The following CDK5RAP2 variants were observed in gnomAD, a reference collection of about 807,000 sequenced individuals.
CDK5RAP2 encodes CDK5 regulatory subunit-associated protein 2.
A neutral mutation model predicts 232.9 loss-of-function variants in CDK5RAP2; 147 were observed. That is an observed-to-expected ratio of 0.63 (90% CI 0.55 to 0.72). The LOEUF is 0.72. CDK5RAP2 is among the 30% of genes least tolerant of loss of function. The pLI is 0.00. For missense variants in CDK5RAP2, 2,195 were observed against 2,231.5 expected, an observed-to-expected ratio of 0.98 and a Z score of 0.33; for synonymous variants, 833 against 833.7, an observed-to-expected ratio of 1.00 and a Z score of 0.01.
intron 26 of CDK5RAP2, among the ~76,000 whole-genome samples, chr9:120,420,831 T>C (rs1421804920): frequency 6.6e-6 from 1 of 152,214 alleles, no homozygotes; most frequent in African/African-American, 2.4e-5. Flanking sequence ...GCTGCTGGCT[T>C]GCAGAAGTGC....
At chr9:120,519,128 C>T (rs554629550) in intron 11 of CDK5RAP2, among the ~76,000 whole-genome samples, 13 of 150,630 alleles carry the variant, frequency 8.6e-5, no homozygotes, top group African/African-American at 2.7e-4. Context: ...GAGCCGAGAT[C>T]GTACCACTGC....
intron 27 of CDK5RAP2, among the ~76,000 whole-genome samples, chr9:120,415,710 T>C (rs912980754): frequency 6.6e-6 from 1 of 152,232 alleles, no homozygotes; most frequent in Non-Finnish European, 1.5e-5. Flanking sequence ...AGTATAAATG[T>C]GTATGACCTT....
At chr9:120,468,394 A>G (rs963871974) in intron 17 of CDK5RAP2, among the ~76,000 whole-genome samples, 2 of 152,186 alleles carry the variant, frequency 1.3e-5, no homozygotes, top group Non-Finnish European at 2.9e-5. Context: ...TCTGGAGGAA[A>G]AGTCTCCCAA....
At position 120,550,881 on chromosome 9, in the gene CDK5RAP2, CTT is replaced by C; in HGVS notation, c.215_216del (p.Lys72ArgfsTer4). 1 of 1,611,308 alleles carries C rather than the reference CTT, an allele frequency of 6.2e-7. No homozygotes were observed. On this transcript the variant is annotated frameshift_variant, in exon 4 of 38. Coordinates refer to ENST00000349780, the MANE Select transcript of CDK5RAP2 (RefSeq NM_018249.6). LOFTEE classifies it high-confidence loss of function. ...ATGCGGAGCTTTAGGTTAAAGTTTT[CTT>C]TCTTCAATTCAGTGATTTGCTGAAA... ...DFENQITELK[K>X]ENFNLKLRIY...
chr9:120,555,746 C>A (rs373121809), intron 3 of CDK5RAP2, among the ~76,000 whole-genome samples: 6 of 152,176 alleles, frequency 3.9e-5, no homozygotes, highest in African/African-American at 1.4e-4. Context: ...ACACAAAAAA[C>A]CTGTACATAA....
intron 12 of CDK5RAP2, among the ~76,000 whole-genome samples, chr9:120,503,660 C>T (rs188332459): frequency 2.6e-5 from 4 of 152,238 alleles, no homozygotes; most frequent in East Asian, 1.9e-4. Flanking sequence ...GTTTCCTTTC[C>T]GGTAAATGAA....
intron 10 of CDK5RAP2, among the ~76,000 whole-genome samples, chr9:120,526,514 CT>C (rs1338175620): frequency 6.6e-6 from 1 of 152,100 alleles, no homozygotes; most frequent in Non-Finnish European, 1.5e-5. Context: ...AAATAAGCCC[CT>C]CCCCCTCCAT....
intron 1 of CDK5RAP2, among the ~76,000 whole-genome samples, chr9:120,578,958 T>C (rs773856797): frequency 6.6e-6 from 1 of 152,210 alleles, no homozygotes; most frequent in Non-Finnish European, 1.5e-5. Context: ...AGCTTGTCCA[T>C]AGTAGAGCTG....
chr9:120,479,690 TCA>T (rs1410027877), intron 14 of CDK5RAP2, among the ~76,000 whole-genome samples: 1 of 152,166 alleles, frequency 6.6e-6, no homozygotes, highest in Non-Finnish European at 1.5e-5. Flanking sequence ...TTCAAAAGTG[TCA>T]AGGTTATGAA....
intron 14 of CDK5RAP2, among the ~76,000 whole-genome samples, chr9:120,481,087 G>C (rs2038279630): frequency 6.6e-6 from 1 of 152,186 alleles, no homozygotes; most frequent in Admixed American, 6.5e-5. Flanking sequence ...CATGCTAAGT[G>C]CTTTCCAGGC....
In CDK5RAP2 at chr9:120,397,703, T is replaced by C. The variant is rs975705053; in HGVS notation, c.5451+3039A>G. On this transcript the variant is annotated intron_variant, in intron 35 of 37. Transcript: ENST00000349780. ...CTTCATAATTTTCTTTTCTAAACAA[T>C]TGGTTCAATTCAGGATGCAAATAAG... Among the ~76,000 whole-genome samples the C allele has an allele frequency of 5.9e-5, 9 of 152,104 alleles. No individual in the cohort carries two copies. In the East Asian group the frequency reaches 1.7e-3, roughly 29 times the overall value.
Position 120,447,973 on chromosome 9 carries a change from T to C in CDK5RAP2, c.2947A>G (p.Lys983Glu). The change falls in exon 22 of 38, where the codon AAG becomes GAG. Residue 983 changes from lysine to glutamate, a missense_variant. Coordinates refer to ENST00000349780, the MANE Select transcript of CDK5RAP2 (RefSeq NM_018249.6). ...AGAATTAACTTTTGGTGAAGTTGCT[T>C]ATTACAAGTTTTAAACTCCTTCAGC... ...GELKEFKTCN[K>E]QLHQKLILAE... is the part of the protein sequence containing the mutation. The C allele has an allele frequency of 6.2e-7, 1 of 1,614,142 alleles. No individual in the cohort carries two copies. The highest frequency in any genetic ancestry group is 1.3e-5 in the African/African-American group (1 of 75,018).
chr9:120,557,818 G>GC (rs2042291578), intron 3 of CDK5RAP2, among the ~76,000 whole-genome samples: 1 of 146,118 alleles, frequency 6.8e-6, no homozygotes, highest in African/African-American at 2.5e-5. Flanking sequence ...AGGCTGGAGT[G>GC]CAGTGGTGCA....
In CDK5RAP2 at chr9:120,458,499, G is replaced by A. The variant is rs754473814; in HGVS notation, c.2326C>T (p.Leu776=). ...TTCTCATTGAACAAAGGGGCAAGCA[G>A]GTTTATGAATGCACCTTCTTCTAGG... ...GCLEEGAFIN[L]LAPLFNEKAT... is the part of the protein sequence containing the mutation. The change falls in exon 20 of 38, where the codon CTG becomes TTG. Residue 776 remains leucine, a synonymous_variant. Transcript: ENST00000349780. The A allele has an allele frequency of 1.9e-6, 3 of 1,614,160 alleles. No homozygotes were observed. The Admixed American group carries it at 5.0e-5, about 27-fold the overall frequency.
rs1349039587 is a variant in CDK5RAP2 at position 120,527,813 on chromosome 9, TC to T, written c.991del (p.Glu331LysfsTer78). The T allele has an allele frequency of 6.2e-7, 1 of 1,613,458 alleles. No individual in the cohort carries two copies. The highest frequency in any genetic ancestry group is 1.3e-5 in the African/African-American group (1 of 74,934). On this transcript the variant is annotated frameshift_variant, in exon 10 of 38. Transcript: ENST00000349780. LOFTEE classifies it high-confidence loss of function. Reference protein sequence around the residue: ...QGLTMALKSKEKKVEELNSEI... With the variant: ...QGLTMALKSKXKKVEELNSEI... ...CAAGTGTATCAGACATACCTTTTTT[TC>T]CTTTGATTTTAATGCCATGGTTAAA...
rs777697843 is a variant in CDK5RAP2 at position 120,460,638 on chromosome 9, C to G, written c.2136G>C (p.Thr712=). 1.4e-5 allele frequency: 23 copies of G among 1,613,962 alleles called. No homozygotes were observed. The highest frequency in any genetic ancestry group is 1.9e-5 in the Non-Finnish European group (23 of 1,180,014). ...ELLASKEDED[T]IKIGEDDEIN... ...TCTCGTCATCCTCCCCAATTTTGATCGTGTCCTCGTCCTCCTTGCTAGCCA... is the reference window on the plus strand; with the variant it reads ...TCTCGTCATCCTCCCCAATTTTGATGGTGTCCTCGTCCTCCTTGCTAGCCA... The change falls in exon 19 of 38, where the codon ACG becomes ACC. Residue 712 remains threonine, a synonymous_variant. Coordinates refer to ENST00000349780, the MANE Select transcript of CDK5RAP2 (RefSeq NM_018249.6).
intron 14 of CDK5RAP2, among the ~76,000 whole-genome samples, chr9:120,482,625 T>C (rs2501728): frequency 0.086 from 13,157 of 152,226 alleles, 1,864 homozygotes; most frequent in African/African-American, 0.3. Context: ...AGCTGGCGTG[T>C]CAGCCACCTG....
At chr9:120,543,355 C>T (rs2041715236) in intron 5 of CDK5RAP2, among the ~76,000 whole-genome samples, 1 of 152,182 alleles carries the variant, frequency 6.6e-6, no homozygotes, top group Admixed American at 6.5e-5. Flanking sequence ...TGCTTAAAAC[C>T]CACAACTGCT....
intron 3 of CDK5RAP2, among the ~76,000 whole-genome samples, chr9:120,567,795 G>A (rs1455059035): frequency 6.6e-6 from 1 of 152,086 alleles, no homozygotes; most frequent in African/African-American, 2.4e-5. Flanking sequence ...TAATGGCTTT[G>A]GAATTAATAA....
Sources: allele counts gnomAD v4.1 joint callset (sites outside exome capture counted in the v4.1 genomes callset), GRCh38; gene constraint gnomAD v4.1.1; transcripts MANE v1.5; gene names NCBI Gene and HGNC (gene_info 2026-07-23, HGNC 2026-07-21).